The following PIKFYVE variants were observed in gnomAD, a reference collection of about 807,000 sequenced individuals.
The protein encoded by PIKFYVE is 1-phosphatidylinositol 3-phosphate 5-kinase.
A neutral mutation model predicts 257.9 loss-of-function variants in PIKFYVE; 122 were observed. That is an observed-to-expected ratio of 0.47 (90% CI 0.41 to 0.55). The LOEUF (loss-of-function observed/expected upper bound fraction) is 0.55, where lower values mean the gene tolerates loss of function less well. Ranked by LOEUF, PIKFYVE falls within the 20% of genes least tolerant of loss-of-function variation. The probability of loss-of-function intolerance (pLI) is 0.00; values close to 1 mark genes in which losing one functional copy is unlikely to be tolerated. For missense variants in PIKFYVE, 2,160 were observed against 2,536.6 expected (o/e 0.85, Z 3.19); for synonymous variants, 892 against 868.9 (o/e 1.03, Z -0.47).
chr2:208,306,789 T>TTTTTC (rs1553514108), intron 12 of PIKFYVE, among the ~76,000 whole-genome samples: 4 of 145,560 alleles, frequency 2.7e-5, no homozygotes, highest in Non-Finnish European at 4.5e-5. Context: ...TTTTTTTTTT[T>TTTTTC]TTCTAAGAGA....
At chr2:208,332,720 G>C (rs1278962183) in intron 23 of PIKFYVE, among the ~76,000 whole-genome samples, 1 of 151,866 alleles carries the variant, frequency 6.6e-6, no homozygotes, top group East Asian at 1.9e-4. Context: ...AAATATACTG[G>C]CTGTGTGTGT....
chr2:208,284,194 C>T (rs1481441818), intron 5 of PIKFYVE, among the ~76,000 whole-genome samples: 1 of 151,552 alleles, frequency 6.6e-6, no homozygotes, highest in Admixed American at 6.6e-5. Flanking sequence ...CAGGACTGCA[C>T]CCTCAAAAAA....
Position 208,297,555 on chromosome 2 carries a change from G to T in PIKFYVE, c.912-1086G>T, listed in dbSNP as rs1693139770. Among the ~76,000 whole-genome samples the T allele has an allele frequency of 2.0e-5, 3 of 152,144 alleles. No homozygotes were observed. The Middle Eastern group carries it at 0.01, about 517-fold the overall frequency. On this transcript the variant is annotated intron_variant, in intron 7 of 41. Coordinates refer to ENST00000264380, the MANE Select transcript of PIKFYVE (RefSeq NM_015040.4). ...TAGGTGGCAGCCCTGATACATATTA[G>T]GCGAGCTACTTTAGGCAGATTACTT...
Position 208,335,674 on chromosome 2 carries a change from CT to C in PIKFYVE, c.4257-117del, listed in dbSNP as rs1486864011. The C allele has an allele frequency of 3.3e-6, 3 of 913,544 alleles. No homozygotes were observed. The East Asian group carries it at 7.4e-5, about 23-fold the overall frequency. The allele number at this position is 913,544 out of a possible 1,614,324, so 56.6% of individuals were successfully genotyped here. The stretch of plus-strand genomic sequence containing the variant: ...TTACTCTGCAAAACTGTATGTAATT[CT>C]TAATTAGGTAAAACATAATTTCAAT... On this transcript the variant is annotated intron_variant, in intron 25 of 41. Coordinates refer to ENST00000264380, the MANE Select transcript of PIKFYVE (RefSeq NM_015040.4).
chr2:208,310,864 A>G (rs769726982), intron 12 of PIKFYVE, among the ~76,000 whole-genome samples: 1 of 152,216 alleles, frequency 6.6e-6, no homozygotes, highest in Admixed American at 6.5e-5. Context: ...TTTTGGAGAC[A>G]GTTGGATAAA....
intron 1 of PIKFYVE, among the ~76,000 whole-genome samples, chr2:208,268,004 A>G (rs941633488): frequency 2.0e-5 from 3 of 152,196 alleles, no homozygotes; most frequent in Non-Finnish European, 2.9e-5. Flanking sequence ...CCTTAATTAG[A>G]AATGGTGAAG....
intron 33 of PIKFYVE, 44 bp from the exon 34 acceptor site, chr2:208,346,006 C>A: frequency 6.9e-7 from 1 of 1,443,350 alleles, no homozygotes. Flanking sequence ...TTCTGTTTGA[C>A]TTGTATAAAA....
chr2:208,335,644 C>G, intron 25 of PIKFYVE, 149 bp from the exon 26 acceptor site: 1 of 785,820 alleles, frequency 1.3e-6, no homozygotes, highest in South Asian at 1.7e-5. Flanking sequence ...CCTTTTAGGT[C>G]TTATTTACTC....
chr2:208,335,751 A>C, intron 25 of PIKFYVE, 42 bp from the exon 26 acceptor site: 3 of 1,433,580 alleles, frequency 2.1e-6, no homozygotes, highest in Non-Finnish European at 2.9e-6. Context: ...AGAAAATTTG[A>C]TTCACCCTTT....
chr2:208,324,278 A>C lies in PIKFYVE; in HGVS notation c.2327A>C (p.Lys776Thr). 1 of 1,613,754 alleles carries C rather than the reference A, an allele frequency of 6.2e-7. No individual in the cohort carries two copies. Among genetic ancestry groups the C allele is most frequent in the South Asian group, 1.1e-5 (1 of 91,052 alleles). Residue 776 changes from lysine (K) to threonine (T), a missense_variant, in exon 18 of 42, where the codon AAG (lysine) becomes ACG (threonine). By Grantham distance (78) the Lys-to-Thr change is moderately conservative. Around this residue, in one of 12 missense-constraint regions of PIKFYVE, gnomAD observed 346 missense variants for 365.6 expected, o/e 0.95. Coordinates refer to ENST00000264380, the MANE Select transcript of PIKFYVE (RefSeq NM_015040.4). ...EHGITLVINV[K>T]SQVLERISRM... ...GGCATTACTTTGGTCATTAATGTAA[A>C]GTCAGTGAGTGTTTTTAATTTTCTA... is the stretch of plus-strand genomic sequence containing the variant.
rs76410296 is a variant in PIKFYVE, at chr2:208,345,804, A to G, written c.5112-246A>G. The stretch of plus-strand genomic sequence containing the variant: ...GATATAGTGTTAATGGACTTGGGAA[A>G]CATAATGTATTCCTCCATACATTTT... On this transcript the variant is annotated intron_variant, in intron 33 of 41. Coordinates refer to ENST00000264380, the MANE Select transcript of PIKFYVE (RefSeq NM_015040.4). Among the ~76,000 whole-genome samples the G allele has an allele frequency of 2.7e-3, 404 of 152,262 alleles. 1 individual carries two copies. Among genetic ancestry groups the G allele is most frequent in the African/African-American group, 8.8e-3 (366 of 41,568 alleles).
intron 1 of PIKFYVE, chr2:208,269,890 C>T: frequency 3.4e-6 from 1 of 298,118 alleles, no homozygotes; most frequent in Non-Finnish European, 6.9e-6. Flanking sequence ...CATGCTGCTG[C>T]TGGCTTGGCA....
intron 12 of PIKFYVE, among the ~76,000 whole-genome samples, chr2:208,309,259 C>T (rs998464497): frequency 5.9e-5 from 9 of 151,830 alleles, no homozygotes; most frequent in Admixed American, 3.9e-4. Flanking sequence ...TCTTTATTTT[C>T]TCAAGCAATA....
chr2:208,350,414 G>A (rs1055871442), intron 36 of PIKFYVE, among the ~76,000 whole-genome samples: 3 of 152,016 alleles, frequency 2.0e-5, no homozygotes, highest in Non-Finnish European at 4.4e-5. Context: ...GTATTATCCA[G>A]AATAATATGT....
chr2:208,351,028 C>T lies in PIKFYVE; in HGVS notation c.5611+81C>T. 6 of 1,541,914 alleles carry T rather than the reference C, an allele frequency of 3.9e-6. No individual in the cohort carries two copies. The East Asian group carries it at 1.4e-4, about 35-fold the overall frequency. On this transcript the variant is annotated intron_variant, in intron 37 of 41. Transcript: ENST00000264380. ...AGAAAATGCAGCAGGAAGGATATTG[C>T]TTAATAAGAACTTTCATAACTATGA...
intron 24 of PIKFYVE, among the ~76,000 whole-genome samples, chr2:208,333,769 A>G (rs574705328): frequency 6.6e-6 from 1 of 152,304 alleles, no homozygotes; most frequent in Admixed American, 6.5e-5. Context: ...ACCTTGGTCG[A>G]TCTACTACCA....
At chr2:208,355,151 A>G (rs41308214) in intron 41 of PIKFYVE, 39 bp from the exon 42 acceptor site, 5 of 1,501,672 alleles carry the variant, frequency 3.3e-6, no homozygotes, top group Admixed American at 1.7e-5. Context: ...AATCAATTAT[A>G]TAACAGCTTT....
chr2:208,282,032 T>C (rs1439712711), intron 5 of PIKFYVE, among the ~76,000 whole-genome samples: 1 of 152,212 alleles, frequency 6.6e-6, no homozygotes, highest in African/African-American at 2.4e-5. Flanking sequence ...TTTTTTACTT[T>C]TGTCTAATGC....
intron 6 of PIKFYVE, among the ~76,000 whole-genome samples, chr2:208,286,621 C>T (rs562501947): frequency 2.6e-5 from 4 of 151,856 alleles, no homozygotes; most frequent in South Asian, 4.2e-4. Context: ...AGGGCAGCCT[C>T]GAATCCCCTC....
Sources: allele counts gnomAD v4.1 joint callset (sites outside exome capture counted in the v4.1 genomes callset), GRCh38; gene constraint gnomAD v4.1.1; regional missense constraint gnomAD v4.1.1; transcripts MANE v1.5; gene names NCBI Gene and HGNC (gene_info 2026-07-23, HGNC 2026-07-21).